Variants in HTR1E observed in about 807,000 individuals in gnomAD.
HTR1E encodes the protein 5-HT-1E.
Under a neutral mutation model 3.4 loss-of-function variants are expected in HTR1E, and 3 were observed. The observed-to-expected ratio is 0.89, with a 90% confidence interval of 0.41 to 2.31. The LOEUF is 2.31. Among genes scored for constraint, HTR1E ranks in the 30% most tolerant of loss-of-function variants. HTR1E has a pLI of 0.05. For synonymous variants in HTR1E, 170 were observed against 182.8 expected (o/e 0.93, Z 0.56); for missense variants, 392 against 467.0 (o/e 0.84, Z 1.48).
intron 1 of HTR1E, among the ~76,000 whole-genome samples, chr6:87,007,566 G>C (rs1768134081): frequency 6.6e-6 from 1 of 152,156 alleles, no homozygotes; most frequent in Non-Finnish European, 1.5e-5. Context: ...TTGTATGCCT[G>C]TATCAAAATA....
At chr6:86,946,765 G>T (rs186432935) in intron 1 of HTR1E, among the ~76,000 whole-genome samples, 157 of 152,264 alleles carry the variant, frequency 1.0e-3, no homozygotes, top group African/African-American at 3.7e-3. Context: ...GAACACATTA[G>T]ATATGCTGCC....
chr6:86,993,230 T>A (rs1767894202), intron 1 of HTR1E, among the ~76,000 whole-genome samples: 1 of 151,868 alleles, frequency 6.6e-6, no homozygotes, highest in Non-Finnish European at 1.5e-5. Flanking sequence ...ATCTTTACAC[T>A]TTTCTATAAA....
chr6:87,014,100 G>T (rs887057380), intron 1 of HTR1E, among the ~76,000 whole-genome samples: 1 of 151,946 alleles, frequency 6.6e-6, no homozygotes, highest in East Asian at 1.9e-4. Flanking sequence ...CCACACACCC[G>T]GGCCTGTCGT....
At position 87,012,442 on chromosome 6, in the gene HTR1E, G is replaced by T. The variant is rs571485072; in HGVS notation, c.-185-2708G>T. On this transcript the variant is annotated intron_variant, in intron 1 of 1. Coordinates refer to ENST00000305344, the MANE Select transcript of HTR1E (RefSeq NM_000865.3). ...GGTGAGATTTGAAAAACTACCTTTT[G>T]GGTACTATGCTTATTACCTAGGTGG... is the stretch of plus-strand genomic sequence containing the variant. Among the ~76,000 whole-genome samples, 3 of 152,188 alleles carry T rather than the reference G, an allele frequency of 2.0e-5. No homozygotes were observed. The East Asian group carries it at 5.8e-4, about 29-fold the overall frequency.
intron 1 of HTR1E, among the ~76,000 whole-genome samples, chr6:87,014,254 TATA>T (rs200002987): frequency 0.13 from 18,901 of 143,658 alleles, 1,263 homozygotes; most frequent in Middle Eastern, 0.19. Flanking sequence ...GAACTTAAAG[TATA>T]ATAATAATAA....
At chr6:87,011,385 C>CAAGT (rs1768233370) in intron 1 of HTR1E, among the ~76,000 whole-genome samples, 1 of 152,152 alleles carries the variant, frequency 6.6e-6, no homozygotes, top group Non-Finnish European at 1.5e-5. Context: ...TAGAGAAAGG[C>CAAGT]AAGTATACCC....
intron 1 of HTR1E, among the ~76,000 whole-genome samples, chr6:86,967,097 A>C (rs1230388972): frequency 6.6e-6 from 1 of 152,242 alleles, no homozygotes; most frequent in Non-Finnish European, 1.5e-5. Context: ...CTGTGAAACC[A>C]GACACATAGC....
intron 1 of HTR1E, among the ~76,000 whole-genome samples, chr6:86,949,138 G>C (rs1767177189): frequency 6.6e-6 from 1 of 152,152 alleles, no homozygotes; most frequent in African/African-American, 2.4e-5. Context: ...ATGAGTTGTA[G>C]TTAAGACAGA....
chr6:87,010,338 G>T (rs80251325), intron 1 of HTR1E, among the ~76,000 whole-genome samples: 1 of 104,684 alleles, frequency 9.6e-6, no homozygotes, highest in Admixed American at 9.6e-5. Flanking sequence ...CCTCCCTCCC[G>T]GACGGGGCGG....
rs773164740 is a variant in HTR1E at position 87,015,761 on chromosome 6, A to G, written c.427A>G (p.Ile143Val). Residue 143 changes from isoleucine to valine, a missense_variant, in exon 2 of 2, where the codon ATC becomes GTC. Around this residue, in one of 3 missense-constraint regions of HTR1E, gnomAD observed 189 missense variants for 258.0 expected, o/e 0.73. Transcript: ENST00000305344. ...KRTAKRAALM[I>V]LTVWTISIFI... is the part of the protein sequence containing the mutation. ...GACGGCCAAGAGGGCCGCGCTGATG[A>G]TCCTTACCGTCTGGACCATCTCCAT... is the stretch of plus-strand genomic sequence containing the variant. The G allele has an allele frequency of 3.1e-6, 5 of 1,609,666 alleles. No individual in the cohort carries two copies. In the Admixed American group the frequency reaches 5.0e-5, roughly 16 times the overall value.
intron 1 of HTR1E, among the ~76,000 whole-genome samples, chr6:86,985,273 C>T (rs561120907): frequency 6.6e-6 from 1 of 150,596 alleles, no homozygotes; most frequent in Non-Finnish European, 1.5e-5. Flanking sequence ...AAACTAGAGA[C>T]AGAAAAAAAA....
chr6:86,999,117 G>C (rs975074370), intron 1 of HTR1E, among the ~76,000 whole-genome samples: 3 of 151,936 alleles, frequency 2.0e-5, no homozygotes, highest in Non-Finnish European at 2.9e-5. Flanking sequence ...AGGCAACAAC[G>C]CCAGGCTAAT....
At position 86,939,484 on chromosome 6, in the gene HTR1E, A is replaced by C. The variant is rs76611142; in HGVS notation, c.-186+1661A>C. On this transcript the variant is annotated intron_variant, in intron 1 of 1. Coordinates refer to ENST00000305344, the MANE Select transcript of HTR1E (RefSeq NM_000865.3). ...ACCTGACATGGGCTGCAGAAGCTCC[A>C]AGGATTGCTATAGATCTCAATTGAG... Among the ~76,000 whole-genome samples the C allele has an allele frequency of 2.0e-5, 3 of 152,364 alleles. No homozygotes were observed. The East Asian group carries it at 5.8e-4, about 29-fold the overall frequency.
intron 1 of HTR1E, among the ~76,000 whole-genome samples, chr6:86,958,790 A>G (rs900794101): frequency 6.6e-6 from 1 of 152,254 alleles, no homozygotes; most frequent in Admixed American, 6.5e-5. Flanking sequence ...GTTTCAAGAG[A>G]TCTAAGAGAA....
chr6:86,977,658 G>A (rs1456363763), intron 1 of HTR1E, among the ~76,000 whole-genome samples: 11 of 152,094 alleles, frequency 7.2e-5, no homozygotes, highest in African/African-American at 1.7e-4. Context: ...GTGTGTAAGC[G>A]TTCCCTTTTC....
chr6:87,015,501 C>A lies in HTR1E; in HGVS notation c.167C>A (p.Pro56His). Residue 56 changes from proline to histidine, a missense_variant, in exon 2 of 2, where the codon CCT (proline) becomes CAT (histidine). Transcript: ENST00000305344. ...GGCACCACCAAGAAGCTCCACCAGC[C>A]TGCCAACTACCTAATCTGTTCTCTG... ...AIGTTKKLHQ[P>H]ANYLICSLAV... 2 of 1,614,010 alleles carry A rather than the reference C, an allele frequency of 1.2e-6. No homozygotes were observed. The highest frequency in any genetic ancestry group is 4.5e-5 in the East Asian group (2 of 44,880).
At chr6:86,953,914 G>C (rs1279186252) in intron 1 of HTR1E, among the ~76,000 whole-genome samples, 2 of 152,032 alleles carry the variant, frequency 1.3e-5, no homozygotes, top group Non-Finnish European at 2.9e-5. Context: ...TGAAGGGGGA[G>C]GTGCTGCACA....
At chr6:87,009,631 G>A (rs2127832611) in intron 1 of HTR1E, among the ~76,000 whole-genome samples, 2 of 148,524 alleles carry the variant, frequency 1.3e-5, no homozygotes, top group South Asian at 4.3e-4. Context: ...CTTCCCAGTA[G>A]GGGCGGCCGG....
intron 1 of HTR1E, among the ~76,000 whole-genome samples, chr6:86,978,170 T>G (rs979126615): frequency 2.0e-5 from 3 of 152,194 alleles, no homozygotes; most frequent in Admixed American, 2.0e-4. Context: ...TTTCCCAACA[T>G]TCATTTCACT....
Sources: allele counts gnomAD v4.1 joint callset (sites outside exome capture counted in the v4.1 genomes callset), GRCh38; gene constraint gnomAD v4.1.1; regional missense constraint gnomAD v4.1.1; transcripts MANE v1.5; gene names NCBI Gene and HGNC (gene_info 2026-07-23, HGNC 2026-07-21).